Variants in ZNF85 observed in about 807,000 individuals in gnomAD.
ZNF85 encodes the protein zinc finger protein 85 (HPF4, HTF1).
A neutral mutation model predicts 53.9 loss-of-function variants in ZNF85; 50 were observed. The observed-to-expected ratio is 0.93, with a 90% CI of 0.74 to 1.17. The LOEUF (loss-of-function observed/expected upper bound fraction) is 1.17, where lower values mean the gene tolerates loss of function less well. Ranked by LOEUF, ZNF85 falls within the 50% of genes most tolerant of loss-of-function variation. The pLI, the probability that ZNF85 is intolerant of heterozygous loss-of-function variation, is 0.00. For missense variants in ZNF85, 747 were observed against 688.5 expected (o/e 1.08, Z -0.95); for synonymous variants, 225 against 226.1 (o/e 1.00, Z 0.04).
chr19:20,943,460 C>T (rs1404864059), intron 3 of ZNF85: 2 of 152,220 alleles, frequency 1.3e-5, no homozygotes, highest in African/African-American at 4.8e-5. Flanking sequence ...TTACTGTTGG[C>T]CTTCCACCAT....
chr19:20,935,043 C>T lies in ZNF85; in HGVS notation c.225C>T (p.Pro75=), dbSNP rs1973125107. The change falls in exon 3 of 4, where the codon CCC becomes CCT. Residue 75 remains proline, a synonymous_variant. Transcript: ENST00000328178. The stretch of plus-strand genomic sequence containing the variant: ...GACATGAGATCATGGTGGCCAAACC[C>T]ACAGGTAGGTGAAAGTGAAAATGAA... The part of the protein sequence containing the change: ...MKRHEIMVAK[P]TVMCSHFAQD... The T allele has an allele frequency of 6.2e-7, 1 of 1,606,004 alleles. No homozygotes were observed. Among genetic ancestry groups the T allele is most frequent in the Non-Finnish European group, 8.5e-7 (1 of 1,175,678 alleles).
At position 20,934,955 on chromosome 19, in the gene ZNF85, C is replaced by T. The variant is rs76535888; in HGVS notation, c.137C>T (p.Thr46Ile). 6,996 of 1,604,256 alleles carry T rather than the reference C, an allele frequency of 4.4e-3. 116 individuals carry two copies. Among genetic ancestry groups the T allele is most frequent in the African/African-American group, 0.034 (2,531 of 74,662 alleles). Residue 46 changes from threonine to isoleucine, a missense_variant, in exon 3 of 4, where the codon ACT becomes ATT. Coordinates refer to ENST00000328178, the MANE Select transcript of ZNF85 (RefSeq NM_003429.5). Reference sequence around the variant, plus strand: ...TTTATTTTTAATAAAACAGGTATTACTGTTTCTAAGCCAGACCTGATCACT... The same window carrying T: ...TTTATTTTTAATAAAACAGGTATTATTGTTTCTAAGCCAGACCTGATCACT... ...NYRNLVFLGI[T>I]VSKPDLITCL...
intron 3 of ZNF85, among the ~76,000 whole-genome samples, chr19:20,937,800 A>C (rs1973194434): frequency 6.6e-6 from 1 of 152,116 alleles, no homozygotes. Context: ...CATGTCTATA[A>C]ATTGATGTCT....
chr19:20,938,714 T>G (rs1398868386), intron 3 of ZNF85, among the ~76,000 whole-genome samples: 4 of 152,330 alleles, frequency 2.6e-5, no homozygotes, highest in African/African-American at 9.6e-5. Flanking sequence ...TAGTTACTTA[T>G]AAATTTAAGT....
At chr19:20,947,440 G>A (rs1335080586) in intron 3 of ZNF85, among the ~76,000 whole-genome samples, 1 of 99,004 alleles carries the variant, frequency 1.0e-5, no homozygotes, top group African/African-American at 3.9e-5. Flanking sequence ...CTTACATTAT[G>A]TTATTTTTAG....
intron 3 of ZNF85, among the ~76,000 whole-genome samples, chr19:20,938,196 A>C (rs2144637869): frequency 6.6e-6 from 1 of 152,240 alleles, no homozygotes; most frequent in East Asian, 1.9e-4. Context: ...CAGCCTCCTA[A>C]GTAGCTAAAA....
chr19:20,933,107 G>A (rs1426690948), intron 1 of ZNF85, among the ~76,000 whole-genome samples: 1 of 151,160 alleles, frequency 6.6e-6, no homozygotes, highest in African/African-American at 2.4e-5. Context: ...GCGGGAGAAT[G>A]CCGTGAACCC....
intron 3 of ZNF85, chr19:20,943,221 G>A: frequency 5.0e-6 from 1 of 199,790 alleles, no homozygotes; most frequent in Non-Finnish European, 1.0e-5. Flanking sequence ...TGGTTTAGAT[G>A]TTCGTGTTCT....
chr19:20,934,604 C>T (rs1284508547), intron 2 of ZNF85, among the ~76,000 whole-genome samples: 2 of 151,900 alleles, frequency 1.3e-5, no homozygotes, highest in East Asian at 3.9e-4. Context: ...CCCGTCTCTA[C>T]TAAAAATACA....
At chr19:20,928,139 C>T (rs1169800903) in intron 1 of ZNF85, 1 of 152,124 alleles carries the variant, frequency 6.6e-6, no homozygotes, top group East Asian at 1.9e-4. Context: ...AAATTTTAAA[C>T]AGTAGCTCAG....
intron 3 of ZNF85, among the ~76,000 whole-genome samples, chr19:20,940,026 CTTGT>C (rs1202858128): frequency 1.3e-5 from 2 of 149,996 alleles, no homozygotes; most frequent in Non-Finnish European, 2.9e-5. Context: ...GTTGTTTCAT[CTTGT>C]TTAAGTGAGT....
At chr19:20,929,377 C>T (rs1972955297) in intron 1 of ZNF85, among the ~76,000 whole-genome samples, 1 of 151,966 alleles carries the variant, frequency 6.6e-6, no homozygotes, top group Admixed American at 6.6e-5. Context: ...TTAGTAGAGA[C>T]AGGGCTTCAC....
At chr19:20,926,204 A>C (rs1262021242) in intron 1 of ZNF85, among the ~76,000 whole-genome samples, 2 of 152,156 alleles carry the variant, frequency 1.3e-5, no homozygotes, top group African/African-American at 4.8e-5. Context: ...TGAAAACACA[A>C]ATTTCTCTTT....
Position 20,934,107 on chromosome 19 carries a change from T to G in ZNF85, c.87T>G (p.Tyr29Ter), listed in dbSNP as rs763836868. 11 of 1,612,664 alleles carry G rather than the reference T, an allele frequency of 6.8e-6. No individual in the cohort carries two copies. The African/African-American group carries it at 1.5e-4, about 22-fold the overall frequency. Reference protein sequence around the residue: ...QCLDTAQRNLYRNVMLENYRN... With the variant: ...QCLDTAQRNL ...TGGACACTGCACAGCGGAATTTATA[T>G]AGAAATGTGATGTTAGAGAACTACA... The change falls in exon 2 of 4, where the codon TAT (tyrosine) becomes TAG (stop). Residue 29 changes from tyrosine to a stop codon, truncating the protein, a stop_gained. Transcript: ENST00000328178. LOFTEE classifies it high-confidence loss of function.
At chr19:20,942,752 T>G (rs1208643205) in intron 3 of ZNF85, 1 of 686,804 alleles carries the variant, frequency 1.5e-6, no homozygotes, top group South Asian at 1.5e-5. Context: ...GTATAATTTT[T>G]GTCTGCTTAA....
rs1360534809 is a variant in ZNF85, at chr19:20,949,173, A to G, written c.659A>G (p.His220Arg). 9 of 1,613,442 alleles carry G rather than the reference A, an allele frequency of 5.6e-6. No homozygotes were observed. Among genetic ancestry groups the G allele is most frequent in the African/African-American group, 5.3e-5 (4 of 74,892 alleles). Residue 220 changes from histidine to arginine, a missense_variant, in exon 4 of 4, where the codon CAT (histidine) becomes CGT (arginine). By Grantham distance (29) the His-to-Arg change is conservative (BLOSUM62 0). Coordinates refer to ENST00000328178, the MANE Select transcript of ZNF85 (RefSeq NM_003429.5). ...AFNWSSTLTK[H>R]KRIHTGEKPY... ...AACTGGTCCTCAACCCTTACTAAAC[A>G]TAAGAGAATTCATACGGGAGAGAAA... is the stretch of plus-strand genomic sequence containing the variant.
intron 3 of ZNF85, chr19:20,937,458 ACTAGG>A: frequency 2.4e-6 from 1 of 412,934 alleles, no homozygotes; most frequent in Non-Finnish European, 4.8e-6. Flanking sequence ...CTGGGTCTGC[ACTAGG>A]GTCCGCCTTT....
chr19:20,937,364 A>G (rs987511715), intron 3 of ZNF85: 1 of 456,106 alleles, frequency 2.2e-6, no homozygotes, highest in Non-Finnish European at 4.4e-6. Flanking sequence ...TTCAGAAGGT[A>G]AAGATCTTCT....
intron 3 of ZNF85, 28 bp downstream of exon 3, chr19:20,935,075 A>T (rs1973126281): frequency 6.6e-7 from 1 of 1,516,348 alleles, no homozygotes; most frequent in Admixed American, 1.7e-5. Context: ...TGAATACAGC[A>T]GATGACACAT....
Sources: gnomAD v4.1 joint callset for allele counts (sites outside exome capture counted in the v4.1 genomes callset) on GRCh38, gnomAD v4.1.1 for gene constraint, MANE v1.5 for transcripts, NCBI Gene and HGNC (gene_info 2026-07-23, HGNC 2026-07-21) for gene names.